SLC7A2: variants seen among roughly 807,000 people sequenced by gnomAD.
SLC7A2 encodes solute carrier family 7 member 2.
A neutral mutation model predicts 58.9 loss-of-function variants in SLC7A2; 48 were observed. The ratio of observed to expected loss-of-function variants is 0.82; its 90% CI spans 0.65 to 1.04. The LOEUF (loss-of-function observed/expected upper bound fraction) is 1.04. Ranked by LOEUF, SLC7A2 falls within the 50% of genes least tolerant of loss-of-function variation. SLC7A2 has a pLI of 0.00. For missense variants in SLC7A2, 1,029 were observed against 818.8 expected (o/e 1.26, Z -3.13); for synonymous variants, 363 against 314.5 (o/e 1.15, Z -1.63).
intron 10 of SLC7A2, among the ~76,000 whole-genome samples, chr8:17,561,324 G>A (rs971566053): frequency 8.5e-5 from 13 of 152,106 alleles, no homozygotes; most frequent in Non-Finnish European, 1.5e-4. Flanking sequence ...AAGGCGAAAG[G>A]CACATCTTAA....
upstream of SLC7A2, among the ~76,000 whole-genome samples, chr8:17,495,618 C>A (rs1057204110): frequency 6.6e-6 from 1 of 152,142 alleles, no homozygotes; most frequent in Non-Finnish European, 1.5e-5. Context: ...GGCACTATCT[C>A]GGCTCACTGC....
intron 2 of SLC7A2, among the ~76,000 whole-genome samples, chr8:17,516,986 G>A (rs934578448): frequency 7.9e-5 from 12 of 152,200 alleles, no homozygotes; most frequent in African/African-American, 2.9e-4. Context: ...CACTGAAGAG[G>A]ACTTTGAAAT....
intron 2 of SLC7A2, among the ~76,000 whole-genome samples, chr8:17,503,797 A>C (rs2150646559): frequency 6.6e-6 from 1 of 152,288 alleles, no homozygotes; most frequent in South Asian, 2.1e-4. Context: ...GAAACAATAC[A>C]ATTTTATATT....
Position 17,554,627 on chromosome 8 carries a change from A to T in SLC7A2, c.1123A>T (p.Lys375Ter), listed in dbSNP as rs772874725. 1 of 1,613,582 alleles carries T rather than the reference A, an allele frequency of 6.2e-7. No individual in the cohort carries two copies. The highest frequency in any genetic ancestry group is 1.7e-5 in the Admixed American group (1 of 59,754). The change falls in exon 8 of 13, where the codon AAA becomes TAA. Residue 375 changes from lysine to a stop codon, truncating the protein, a stop_gained. Transcript: ENST00000494857. LOFTEE classifies it high-confidence loss of function. ...TATGGCGGAGGATGGGTTGCTTTTCAAATGTCTAGCTCAAATCAATTCCAA... is the reference window on the plus strand; with the variant it reads ...TATGGCGGAGGATGGGTTGCTTTTCTAATGTCTAGCTCAAATCAATTCCAA... ...YAMAEDGLLF[K>*]CLAQINSKTK...
In SLC7A2 at chr8:17,544,513, G is replaced by A; in HGVS notation, c.439G>A (p.Gly147Ser). 1 of 1,613,824 alleles carries A rather than the reference G, an allele frequency of 6.2e-7. No homozygotes were observed. Among genetic ancestry groups the A allele is most frequent in the South Asian group, 1.1e-5 (1 of 91,068 alleles). Residue 147 changes from glycine to serine, a missense_variant, in exon 4 of 13, where the codon GGT (glycine) becomes AGT (serine). Coordinates refer to ENST00000494857, the MANE Select transcript of SLC7A2 (RefSeq NM_001370338.1). ...TGATGAACTTCTTAGCAAACAGATTGGTCAGTTTTTGAGGACATACTTCAG... is the reference window on the plus strand; with the variant it reads ...TGATGAACTTCTTAGCAAACAGATTAGTCAGTTTTTGAGGACATACTTCAG... ...TFDELLSKQI[G>S]QFLRTYFRMN...
chr8:17,544,559 C>A lies in SLC7A2; in HGVS notation c.485C>A (p.Ala162Glu). 1 of 1,613,960 alleles carries A rather than the reference C, an allele frequency of 6.2e-7. No homozygotes were observed. Among genetic ancestry groups the A allele is most frequent in the East Asian group, 2.2e-5 (1 of 44,860 alleles). The change falls in exon 4 of 13, where the codon GCA becomes GAA. Residue 162 changes from alanine (A) to glutamate (E), a missense_variant. Ala to Glu is a moderately radical substitution (Grantham distance 107, BLOSUM62 -1). Coordinates refer to ENST00000494857, the MANE Select transcript of SLC7A2 (RefSeq NM_001370338.1). ...TTCAGAATGAATTACACTGGTCTTGCAGAATATCCCGATTTTTTTGCTGTG... is the reference window on the plus strand; with the variant it reads ...TTCAGAATGAATTACACTGGTCTTGAAGAATATCCCGATTTTTTTGCTGTG... ...TYFRMNYTGL[A>E]EYPDFFAVCL...
At chr8:17,556,166 A>G (rs1443997280) in intron 8 of SLC7A2, among the ~76,000 whole-genome samples, 1 of 152,178 alleles carries the variant, frequency 6.6e-6, no homozygotes. Flanking sequence ...CCCTAAAATG[A>G]AGGTTTGCCC....
intron 4 of SLC7A2, among the ~76,000 whole-genome samples, chr8:17,547,500 C>T (rs934507557): frequency 2.6e-5 from 4 of 152,092 alleles, no homozygotes; most frequent in Non-Finnish European, 5.9e-5. Flanking sequence ...AAAATAGATA[C>T]TTTAAATTGA....
chr8:17,510,782 C>G (rs1237972335), intron 2 of SLC7A2: 1 of 152,134 alleles, frequency 6.6e-6, no homozygotes, highest in Non-Finnish European at 1.5e-5. Context: ...AATCATTCTA[C>G]TAGGAAAACA....
upstream of SLC7A2, among the ~76,000 whole-genome samples, chr8:17,496,314 C>T (rs766730607): frequency 6.6e-6 from 1 of 152,046 alleles, no homozygotes; most frequent in African/African-American, 2.4e-5. Context: ...AGAGTGAGAC[C>T]CTGTCTCTAA....
chr8:17,537,386 T>A (rs908204152), intron 2 of SLC7A2, among the ~76,000 whole-genome samples: 10 of 152,126 alleles, frequency 6.6e-5, no homozygotes, highest in African/African-American at 2.2e-4. Flanking sequence ...GCCTGTGGGT[T>A]TCTGCACCTT....
At chr8:17,508,920 T>C (rs2150661681) in intron 2 of SLC7A2, among the ~76,000 whole-genome samples, 1 of 152,286 alleles carries the variant, frequency 6.6e-6, no homozygotes, top group Non-Finnish European at 1.5e-5. Flanking sequence ...TTTTTATTTT[T>C]AATTTTGTTT....
chr8:17,513,701 T>A (rs1404186793), intron 2 of SLC7A2, among the ~76,000 whole-genome samples: 2 of 152,164 alleles, frequency 1.3e-5, no homozygotes, highest in Non-Finnish European at 2.9e-5. Flanking sequence ...TTTGGCAGAA[T>A]CAAATGATAG....
At chr8:17,533,698 A>C (rs1585222269) in intron 2 of SLC7A2, among the ~76,000 whole-genome samples, 3 of 152,248 alleles carry the variant, frequency 2.0e-5, no homozygotes, top group Non-Finnish European at 2.9e-5. Context: ...TACTTCTGGC[A>C]TCTTTAATCT....
At chr8:17,494,594 C>T (rs902266274), upstream of SLC7A2, among the ~76,000 whole-genome samples, 1 of 152,174 alleles carries the variant, frequency 6.6e-6, no homozygotes, top group African/African-American at 2.4e-5. Flanking sequence ...AGAGCTTAAC[C>T]TGTTTCAAAT....
chr8:17,542,657 A>AAAAAAAAAAAAAAG (rs78569276), intron 2 of SLC7A2, among the ~76,000 whole-genome samples: 22 of 150,046 alleles, frequency 1.5e-4, no homozygotes, highest in Non-Finnish European at 2.2e-4. Context: ...TCTCAAAAAA[A>AAAAAAAAAAAAAAG]AAAGAAAAAG....
At chr8:17,509,194 A>G (rs1026883718) in intron 2 of SLC7A2, among the ~76,000 whole-genome samples, 1 of 152,234 alleles carries the variant, frequency 6.6e-6, no homozygotes, top group Non-Finnish European at 1.5e-5. Context: ...AAATCAGTAA[A>G]GTTGAACTAT....
upstream of SLC7A2, among the ~76,000 whole-genome samples, chr8:17,496,846 C>G (rs867967589): frequency 1.6e-4 from 24 of 152,142 alleles, no homozygotes; most frequent in South Asian, 6.2e-4. Context: ...CTCTCTTCCC[C>G]GGCCCGCGCC....
chr8:17,536,893 G>A (rs1478911244), intron 2 of SLC7A2, among the ~76,000 whole-genome samples: 1 of 152,140 alleles, frequency 6.6e-6, no homozygotes, highest in Non-Finnish European at 1.5e-5. Flanking sequence ...CACAGGAGGT[G>A]TGTCCAAACC....
Sources: allele counts gnomAD v4.1 joint callset (sites outside exome capture counted in the v4.1 genomes callset), GRCh38; gene constraint gnomAD v4.1.1; transcripts MANE v1.5; gene names NCBI Gene and HGNC (gene_info 2026-07-23, HGNC 2026-07-21).